TAF4B: variants seen among roughly 807,000 people sequenced by gnomAD.
TAF4B encodes transcription initiation factor TFIID subunit 4B.
TAF4B carries 38 observed loss-of-function variants against 86.4 expected under a neutral mutation model. The ratio of observed to expected loss-of-function variants is 0.44; its 90% CI spans 0.34 to 0.58. TAF4B has a LOEUF of 0.58. Ranked by LOEUF, TAF4B falls within the 20% of genes least tolerant of loss-of-function variation. The pLI, the probability that TAF4B is intolerant of heterozygous loss-of-function variation, is 0.02. For synonymous variants in TAF4B, 388 were observed against 391.2 expected, an observed-to-expected ratio of 0.99 and a Z score of 0.10; for missense variants, 988 against 1,027.6, an observed-to-expected ratio of 0.96 and a Z score of 0.53.
intron 1 of TAF4B, among the ~76,000 whole-genome samples, chr18:26,262,345 T>A (rs2056181641): frequency 6.6e-6 from 1 of 152,134 alleles, no homozygotes; most frequent in Admixed American, 6.6e-5. Context: ...TTCTGTCATG[T>A]TGAGCTGAGA....
intron 13 of TAF4B, among the ~76,000 whole-genome samples, chr18:26,337,682 C>G (rs2057104083): frequency 6.6e-6 from 1 of 152,132 alleles, no homozygotes. Flanking sequence ...TTCAGCCTCC[C>G]AAAGTGCTGG....
chr18:26,294,871 T>C (rs1366277106), intron 9 of TAF4B, among the ~76,000 whole-genome samples: 1 of 149,988 alleles, frequency 6.7e-6, no homozygotes, highest in African/African-American at 2.4e-5. Flanking sequence ...TAGGAGAAAA[T>C]CTTTGTAACC....
At chr18:26,277,416 A>C (rs754996806) in intron 5 of TAF4B, among the ~76,000 whole-genome samples, 1 of 152,144 alleles carries the variant, frequency 6.6e-6, no homozygotes, top group Non-Finnish European at 1.5e-5. Flanking sequence ...TAAACCCATT[A>C]AATGTTAACA....
rs1168411306 is a variant in TAF4B at position 26,344,148 on chromosome 18, G to A, written c.2316+8917G>A. Among the ~76,000 whole-genome samples the A allele has an allele frequency of 2.0e-5, 3 of 152,166 alleles. No homozygotes were observed. In the East Asian group the frequency reaches 5.8e-4, roughly 29 times the overall value. On this transcript the variant is annotated intron_variant, in intron 13 of 14. Coordinates refer to ENST00000269142, the MANE Select transcript of TAF4B (RefSeq NM_005640.3). ...CAATAACCAAAATAAAACACATTCA[G>A]CTGAATGAGCTGAATAGCGGATAGA... is the stretch of plus-strand genomic sequence containing the variant.
chr18:26,227,037 T>C lies in TAF4B; in HGVS notation c.104T>C (p.Val35Ala). Residue 35 changes from valine (V) to alanine (A), a missense_variant, in exon 1 of 15, where the codon GTG (valine) becomes GCG (alanine). By Grantham distance (64) the Val-to-Ala change is moderately conservative. This residue lies in a region of TAF4B where 747 missense variants were observed against 737.9 expected (regional missense o/e 1.01). Transcript: ENST00000269142. ...CCGGCCGGGGCGCTGCCGGTGCGGG[T>C]GGAGAGCACTCCGGTGGCCCTGGGC... ...MAPAGALPVR[V>A]ESTPVALGAV... 8.4e-6 allele frequency: 13 copies of C among 1,541,446 alleles called. No individual in the cohort carries two copies. Among genetic ancestry groups the C allele is most frequent in the Non-Finnish European group, 1.1e-5 (13 of 1,155,356 alleles).
At chr18:26,321,250 C>T in intron 11 of TAF4B, 50 bp downstream of exon 11, 2 of 1,594,166 alleles carry the variant, frequency 1.3e-6, no homozygotes. Flanking sequence ...TATAGGTAGT[C>T]TTTTGGGCGT....
At chr18:26,304,168 G>GTT (rs5823508) in intron 9 of TAF4B, among the ~76,000 whole-genome samples, 1,573 of 125,258 alleles carry the variant, frequency 0.013, 33 homozygotes, top group Non-Finnish European at 0.016. Context: ...TAGGTCGACT[G>GTT]TTTTTTTTTT....
At chr18:26,323,320 T>A (rs2056977636) in intron 11 of TAF4B, among the ~76,000 whole-genome samples, 1 of 152,052 alleles carries the variant, frequency 6.6e-6, no homozygotes, top group African/African-American at 2.4e-5. Context: ...AGTATTAAAA[T>A]CTTCAACTAT....
chr18:26,350,956 A>G (rs1182867823), intron 13 of TAF4B, among the ~76,000 whole-genome samples: 3 of 152,244 alleles, frequency 2.0e-5, no homozygotes, highest in Non-Finnish European at 4.4e-5. Context: ...ACTGTGAAGA[A>G]TGGCATGGAG....
intron 11 of TAF4B, 124 bp from the exon 12 acceptor site, chr18:26,326,891 C>T: frequency 4.5e-6 from 5 of 1,115,518 alleles, no homozygotes; most frequent in East Asian, 2.5e-5. Context: ...AAATCATTAC[C>T]TTCTGAAAGT....
At chr18:26,231,336 C>G (rs1350474951) in intron 1 of TAF4B, among the ~76,000 whole-genome samples, 2 of 124,514 alleles carry the variant, frequency 1.6e-5, no homozygotes, top group African/African-American at 3.1e-5. Context: ...AGCCACCCAG[C>G]TGCTTGGGGT....
intron 14 of TAF4B, among the ~76,000 whole-genome samples, chr18:26,374,048 T>C (rs539964946): frequency 6.6e-6 from 1 of 152,256 alleles, no homozygotes; most frequent in African/African-American, 2.4e-5. Flanking sequence ...ATTAGCAAAA[T>C]ATTGAGCTCA....
At chr18:26,304,076 A>T (rs4405627) in intron 9 of TAF4B, among the ~76,000 whole-genome samples, 33,020 of 151,798 alleles carry the variant, frequency 0.22, 4,303 homozygotes, top group Non-Finnish European at 0.3. Context: ...TCATATACCA[A>T]CAGCCTTGTT....
intron 14 of TAF4B, among the ~76,000 whole-genome samples, chr18:26,377,185 C>A (rs1296799080): frequency 6.6e-6 from 1 of 152,032 alleles, no homozygotes; most frequent in East Asian, 1.9e-4. Context: ...TAATACCATT[C>A]TTGGAGAATG....
chr18:26,250,381 G>A (rs959856583), intron 1 of TAF4B, among the ~76,000 whole-genome samples: 28 of 151,874 alleles, frequency 1.8e-4, no homozygotes, highest in African/African-American at 5.3e-4. Flanking sequence ...CCTGTAGTCC[G>A]AGCTACTCGA....
At chr18:26,387,814 T>C (rs1730259918) in intron 14 of TAF4B, among the ~76,000 whole-genome samples, 1 of 152,160 alleles carries the variant, frequency 6.6e-6, no homozygotes, top group Non-Finnish European at 1.5e-5. Context: ...AGTATAAAAA[T>C]ATGACTGCGA....
intron 9 of TAF4B, among the ~76,000 whole-genome samples, chr18:26,295,556 A>C (rs28699576): frequency 0.081 from 12,400 of 152,210 alleles, 1,562 homozygotes; most frequent in African/African-American, 0.27. Flanking sequence ...GTTGGAGCTC[A>C]GGCAGTAATG....
chr18:26,270,218 T>C (rs34757142), intron 3 of TAF4B, among the ~76,000 whole-genome samples: 72,457 of 152,016 alleles, frequency 0.48, 20,227 homozygotes, highest in East Asian at 0.82. Context: ...AGGAACTCCA[T>C]TACACTACTT....
chr18:26,389,725 T>C, intron 14 of TAF4B, 120 bp from the exon 15 acceptor site: 2 of 1,035,628 alleles, frequency 1.9e-6, no homozygotes, highest in Non-Finnish European at 2.8e-6. Context: ...CATCATTACA[T>C]TATCTCCAGT....
Sources: allele counts gnomAD v4.1 joint callset (sites outside exome capture counted in the v4.1 genomes callset), GRCh38; gene constraint gnomAD v4.1.1; regional missense constraint gnomAD v4.1.1; transcripts MANE v1.5; gene names NCBI Gene and HGNC (gene_info 2026-07-23, HGNC 2026-07-21).